INPP1: variants seen among roughly 807,000 people sequenced by gnomAD.
The protein encoded by INPP1 is inositol polyphosphate 1-phosphatase.
INPP1 carries 18 observed loss-of-function variants against 23.0 expected under a neutral mutation model. That is an observed-to-expected ratio of 0.78 (90% CI 0.54 to 1.16). The LOEUF is 1.16. INPP1 is among the 50% of genes most tolerant of loss of function. The pLI is 0.00. For synonymous variants in INPP1, 164 were observed against 176.3 expected, an observed-to-expected ratio of 0.93 and a Z score of 0.55; for missense variants, 448 against 482.1, an observed-to-expected ratio of 0.93 and a Z score of 0.66.
chr2:190,348,494 C>T (rs1003156183), intron 1 of INPP1, among the ~76,000 whole-genome samples: 2 of 152,084 alleles, frequency 1.3e-5, no homozygotes, highest in Non-Finnish European at 2.9e-5. Context: ...TGTTCATGTC[C>T]AGAATTTTTT....
At chr2:190,362,482 C>A in intron 3 of INPP1, 145 bp from the exon 4 acceptor site, 1 of 504,688 alleles carries the variant, frequency 2.0e-6, no homozygotes, top group East Asian at 3.4e-5. Flanking sequence ...TTTTTTTATA[C>A]TTGGATTGGT....
At chr2:190,364,809 G>T (rs56044907) in intron 4 of INPP1, among the ~76,000 whole-genome samples, 96,029 of 151,340 alleles carry the variant, frequency 0.63, 31,102 homozygotes, top group East Asian at 0.76. Flanking sequence ...TCACTATGTT[G>T]ACCAGGGTGG....
chr2:190,349,724 T>C (rs1411389959), intron 2 of INPP1, among the ~76,000 whole-genome samples: 1 of 134,332 alleles, frequency 7.4e-6, no homozygotes, highest in African/African-American at 2.8e-5. Flanking sequence ...GCATATACTG[T>C]AGTTGGAACA....
chr2:190,370,001 T>C (rs1041727626), intron 6 of INPP1, among the ~76,000 whole-genome samples: 3 of 152,240 alleles, frequency 2.0e-5, no homozygotes, highest in Non-Finnish European at 4.4e-5. Context: ...TAGTCATAAG[T>C]TTATACCTCT....
intron 4 of INPP1, 112 bp from the exon 5 acceptor site, chr2:190,366,583 C>T: frequency 1.3e-6 from 1 of 789,918 alleles, no homozygotes; most frequent in South Asian, 1.6e-5. Context: ...CGCTCTCTCT[C>T]TGTCTCTCTC....
intron 4 of INPP1, among the ~76,000 whole-genome samples, chr2:190,364,555 A>ATTTT (rs757559467): frequency 8.4e-4 from 114 of 136,504 alleles, no homozygotes; most frequent in Middle Eastern, 7.7e-3. Context: ...AAAAAAAAAA[A>ATTTT]TTTCAGTAGG....
chr2:190,367,780 G>A lies in INPP1; in HGVS notation c.466+885G>A, dbSNP rs1575793030. 6.6e-6 allele frequency among the ~76,000 whole-genome samples: 1 copy of A among 152,130 alleles called. No homozygotes were observed. The highest frequency in any genetic ancestry group is 1.5e-5 in the Non-Finnish European group (1 of 68,018). On this transcript the variant is annotated intron_variant, in intron 5 of 6. Coordinates refer to ENST00000392329, the MANE Select transcript of INPP1 (RefSeq NM_001128928.2). The surrounding 1 kb of genome is among the most constrained non-coding windows in gnomAD (Gnocchi z 4.1). Reference sequence around the variant, plus strand: ...GGGTTTTTACCATGTTTCCCAGGCTGGTCTCGAACTCCTGGGTTCAAGCGA... The same window carrying A: ...GGGTTTTTACCATGTTTCCCAGGCTAGTCTCGAACTCCTGGGTTCAAGCGA...
At chr2:190,360,781 C>CT (rs1689520181) in intron 3 of INPP1, among the ~76,000 whole-genome samples, 1 of 115,332 alleles carries the variant, frequency 8.7e-6, no homozygotes, top group East Asian at 2.6e-4. Context: ...GCTTTGTAAC[C>CT]TGTTTTTTTT....
At chr2:190,365,483 A>G (rs1207393540) in intron 4 of INPP1, among the ~76,000 whole-genome samples, 1 of 152,254 alleles carries the variant, frequency 6.6e-6, no homozygotes, top group Non-Finnish European at 1.5e-5. Context: ...ATAAAAAGTC[A>G]AAAGACAAAT....
In INPP1 at chr2:190,346,182, G is replaced by T. The variant is rs1261286433; in HGVS notation, c.-209+2221G>T. On this transcript the variant is annotated intron_variant, in intron 1 of 6. Coordinates refer to ENST00000392329, the MANE Select transcript of INPP1 (RefSeq NM_001128928.2). The surrounding 1 kb of genome is among the most constrained non-coding windows in gnomAD (Gnocchi z 5.1). Reference sequence around the variant, plus strand: ...CCAGATTGCAACTTGAGACTTCCTGGATCAGAATTTCTAAGAGAAAGGAGA... The same window carrying T: ...CCAGATTGCAACTTGAGACTTCCTGTATCAGAATTTCTAAGAGAAAGGAGA... Among the ~76,000 whole-genome samples the T allele has an allele frequency of 6.6e-6, 1 of 152,000 alleles. No homozygotes were observed. The highest frequency in any genetic ancestry group is 1.5e-5 in the Non-Finnish European group (1 of 68,008).
At chr2:190,359,891 C>A in intron 2 of INPP1, 148 bp from the exon 3 acceptor site, 1 of 541,910 alleles carries the variant, frequency 1.8e-6, no homozygotes, top group Non-Finnish European at 3.3e-6. Context: ...TATCTAGAGT[C>A]TTCCACACTG....
Position 190,354,708 on chromosome 2 carries a change from C to G in INPP1, c.-64-5331C>G, listed in dbSNP as rs1490521302. Among the ~76,000 whole-genome samples the G allele has an allele frequency of 6.6e-6, 1 of 152,184 alleles. No homozygotes were observed. The highest frequency in any genetic ancestry group is 1.5e-5 in the Non-Finnish European group (1 of 68,036). On this transcript the variant is annotated intron_variant, in intron 2 of 6. Transcript: ENST00000392329. The surrounding 1 kb of genome is among the most constrained non-coding windows in gnomAD (Gnocchi z 4.8). ...TGTTAAGCTACCCAGTCTTAACAAA[C>G]TAACACCAGAAGAATTAGGTATTGG...
At chr2:190,364,113 C>G (rs1689588970) in intron 4 of INPP1, among the ~76,000 whole-genome samples, 1 of 152,240 alleles carries the variant, frequency 6.6e-6, no homozygotes, top group South Asian at 2.1e-4. Context: ...CTTTAACAGT[C>G]TAATTTACTT....
intron 4 of INPP1, 142 bp from the exon 5 acceptor site, chr2:190,366,553 G>T: frequency 1.6e-6 from 1 of 638,552 alleles, no homozygotes. Context: ...CTTTCGCTCT[G>T]TCTCGCTCTC....
At chr2:190,353,631 C>T (rs1575784900) in intron 2 of INPP1, among the ~76,000 whole-genome samples, 1 of 152,186 alleles carries the variant, frequency 6.6e-6, no homozygotes, top group Non-Finnish European at 1.5e-5. Flanking sequence ...AACATCACTG[C>T]AAGGTAACTA....
intron 2 of INPP1, among the ~76,000 whole-genome samples, chr2:190,353,956 A>G (rs928607660): frequency 3.9e-5 from 6 of 152,230 alleles, no homozygotes; most frequent in South Asian, 2.1e-4. Context: ...GTAGCTCTCC[A>G]ACTGGACTAG....
intron 2 of INPP1, among the ~76,000 whole-genome samples, chr2:190,358,146 C>T (rs557544878): frequency 1.4e-3 from 191 of 140,656 alleles, no homozygotes; most frequent in African/African-American, 4.1e-3. Context: ...GTGGCGTAAT[C>T]TCGGCTCACT....
At position 190,354,674 on chromosome 2, in the gene INPP1, C is replaced by T. The variant is rs1195965435; in HGVS notation, c.-64-5365C>T. On this transcript the variant is annotated intron_variant, in intron 2 of 6. Transcript: ENST00000392329. This position sits in a 1 kb window ranked among gnomAD's most constrained non-coding sequence, Gnocchi z 4.8. ...CAGTCCCCAGAACTGTGAGAAAGTGCGATTTTATTGTTAAGCTACCCAGTC... is the reference window on the plus strand; with the variant it reads ...CAGTCCCCAGAACTGTGAGAAAGTGTGATTTTATTGTTAAGCTACCCAGTC... Among the ~76,000 whole-genome samples the T allele has an allele frequency of 3.9e-5, 6 of 152,144 alleles. No individual in the cohort carries two copies. The South Asian group carries it at 8.3e-4, about 21-fold the overall frequency.
Position 190,366,539 on chromosome 2 carries a change from C to T in INPP1, c.266-156C>T, listed in dbSNP as rs968024418. ...TCTCACTCTCTTGCTCTGTCTCTCT[C>T]GCTCTTTCGCTCTGTCTCGCTCTCT... is the stretch of plus-strand genomic sequence containing the variant. On this transcript the variant is annotated intron_variant, in intron 4 of 6. Coordinates refer to ENST00000392329, the MANE Select transcript of INPP1 (RefSeq NM_001128928.2). 6.6e-6 allele frequency among the ~76,000 whole-genome samples: 1 copy of T among 151,570 alleles called. No homozygotes were observed. Among genetic ancestry groups the T allele is most frequent in the Non-Finnish European group, 1.5e-5 (1 of 67,860 alleles).
Sources: gnomAD v4.1 joint callset for allele counts (sites outside exome capture counted in the v4.1 genomes callset) on GRCh38, gnomAD v4.1.1 for gene constraint, Gnocchi (gnomAD v3.1) non-coding constraint, MANE v1.5 for transcripts, NCBI Gene and HGNC (gene_info 2026-07-23, HGNC 2026-07-21) for gene names.